FBXW7: variants seen among roughly 807,000 people sequenced by gnomAD.
The protein encoded by FBXW7 is F-box/WD repeat-containing protein 7.
Under a neutral mutation model 86.3 loss-of-function variants are expected in FBXW7, and 11 were observed. That is an observed-to-expected ratio of 0.13 (90% CI 0.08 to 0.21). The LOEUF (loss-of-function observed/expected upper bound fraction) is 0.21, where lower values mean the gene tolerates loss of function less well. Among genes scored for constraint, FBXW7 ranks in the 10% least tolerant of loss-of-function variants. The pLI, the probability that FBXW7 is intolerant of heterozygous loss-of-function variation, is 1.00. For missense variants in FBXW7, 488 were observed against 847.4 expected, an observed-to-expected ratio of 0.58 and a Z score of 5.27; for synonymous variants, 313 against 297.9, an observed-to-expected ratio of 1.05 and a Z score of -0.52.
At chr4:152,467,280 C>T (rs1044672936) in intron 2 of FBXW7, among the ~76,000 whole-genome samples, 3 of 152,080 alleles carry the variant, frequency 2.0e-5, no homozygotes, top group Admixed American at 6.5e-5. Flanking sequence ...TTATAAGGGG[C>T]TTTTCCCCCG....
At chr4:152,530,680 C>CA (rs1749951056) in intron 2 of FBXW7, 1 of 152,184 alleles carries the variant, frequency 6.6e-6, no homozygotes, top group Non-Finnish European at 1.5e-5. Context: ...ATCTAGAAAA[C>CA]AAAGACCACC....
intron 2 of FBXW7, among the ~76,000 whole-genome samples, chr4:152,430,218 G>T (rs964406467): frequency 2.0e-5 from 3 of 152,150 alleles, no homozygotes; most frequent in Non-Finnish European, 2.9e-5. Context: ...AGTCCTCATT[G>T]TAATAAGAAA....
At chr4:152,325,844 T>A (rs537064218) in intron 12 of FBXW7, 162 bp downstream of exon 12, 13 of 552,284 alleles carry the variant, frequency 2.4e-5, no homozygotes, top group African/African-American at 2.2e-4. Flanking sequence ...TTTTGAAATT[T>A]ACACTTTCTT....
At chr4:152,469,513 C>T (rs1479979713) in intron 2 of FBXW7, among the ~76,000 whole-genome samples, 1 of 152,052 alleles carries the variant, frequency 6.6e-6, no homozygotes, top group Non-Finnish European at 1.5e-5. Flanking sequence ...ACCCTGACCA[C>T]AGTATTTGGT....
chr4:152,494,660 G>A (rs554397939), intron 2 of FBXW7, among the ~76,000 whole-genome samples: 1 of 152,038 alleles, frequency 6.6e-6, no homozygotes, highest in Non-Finnish European at 1.5e-5. Context: ...ATATTGGAGA[G>A]TCTATGTAAG....
intron 4 of FBXW7, among the ~76,000 whole-genome samples, chr4:152,381,466 T>C (rs914784936): frequency 1.3e-5 from 2 of 152,086 alleles, no homozygotes; most frequent in African/African-American, 2.4e-5. Flanking sequence ...TCTAAAAATA[T>C]ATCACTCTAA....
intron 2 of FBXW7, among the ~76,000 whole-genome samples, chr4:152,483,264 T>C (rs777284292): frequency 2.0e-5 from 3 of 152,184 alleles, no homozygotes; most frequent in Non-Finnish European, 2.9e-5. Flanking sequence ...TTATTATGTT[T>C]GTTAAAACTT....
At chr4:152,508,654 CAA>C (rs1206694443) in intron 2 of FBXW7, among the ~76,000 whole-genome samples, 6 of 95,448 alleles carry the variant, frequency 6.3e-5, no homozygotes, top group Non-Finnish European at 9.0e-5. Flanking sequence ...CGTGCCACTG[CAA>C]AAAAAAAAAA....
intron 2 of FBXW7, among the ~76,000 whole-genome samples, chr4:152,482,826 CTAA>C (rs998756921): frequency 4.0e-5 from 6 of 151,642 alleles, no homozygotes; most frequent in East Asian, 1.9e-4. Flanking sequence ...ATTTTAGTTC[CTAA>C]TAATATTAAT....
intron 4 of FBXW7, among the ~76,000 whole-genome samples, chr4:152,376,516 G>T (rs1019588441): frequency 6.6e-6 from 1 of 152,010 alleles, no homozygotes. Flanking sequence ...TACACCCCTT[G>T]AACTAACTGA....
chr4:152,454,010 T>G (rs1365697537), intron 2 of FBXW7, among the ~76,000 whole-genome samples: 2 of 152,154 alleles, frequency 1.3e-5, no homozygotes, highest in African/African-American at 4.8e-5. Flanking sequence ...TCCATATACA[T>G]CATTATGTAT....
chr4:152,501,510 A>C (rs1560974270), intron 2 of FBXW7, among the ~76,000 whole-genome samples: 2 of 152,218 alleles, frequency 1.3e-5, no homozygotes, highest in African/African-American at 4.8e-5. Context: ...TTGGTGCTTT[A>C]ATAACTAGTC....
At chr4:152,401,502 G>A (rs536512710) in intron 4 of FBXW7, among the ~76,000 whole-genome samples, 106 of 152,264 alleles carry the variant, frequency 7.0e-4, no homozygotes, top group African/African-American at 2.3e-3. Context: ...CTATGGAGAC[G>A]GTGAAAGGAT....
At chr4:152,382,093 A>T in intron 4 of FBXW7, 1 of 804,686 alleles carries the variant, frequency 1.2e-6, no homozygotes, top group Non-Finnish European at 1.9e-6. Flanking sequence ...TTTTAATTTT[A>T]AATAAAAACT....
intron 4 of FBXW7, among the ~76,000 whole-genome samples, chr4:152,354,030 T>C (rs1732120859): frequency 6.6e-6 from 1 of 152,298 alleles, no homozygotes; most frequent in East Asian, 1.9e-4. Context: ...TGGCTTTCTT[T>C]AGTAAAATGG....
Position 152,411,356 on chromosome 4 carries a change from C to T in FBXW7, c.448G>A (p.Val150Met), listed in dbSNP as rs2126876822. 6.2e-7 allele frequency: 1 copy of T among 1,613,292 alleles called. No homozygotes were observed. Among genetic ancestry groups the T allele is most frequent in the Non-Finnish European group, 8.5e-7 (1 of 1,179,670 alleles). Residue 150 changes from valine (V) to methionine (M), a missense_variant, in exon 4 of 14, where the codon GTG becomes ATG. Transcript: ENST00000281708. The stretch of plus-strand genomic sequence containing the variant: ...GAGAGTTGGTGAACGGGCAGGTCCA[C>T]AATACTACTGGAGTTCGTGACACTG... Reference protein sequence around the residue: ...TNSVTNSSSIVDLPVHQLSSP... With the variant: ...TNSVTNSSSIMDLPVHQLSSP...
At chr4:152,389,291 C>G (rs141621945) in intron 4 of FBXW7, among the ~76,000 whole-genome samples, 3 of 151,676 alleles carry the variant, frequency 2.0e-5, no homozygotes, top group African/African-American at 7.3e-5. Context: ...GGGCATCTAC[C>G]CAAAAGAAAA....
At position 152,343,144 on chromosome 4, in the gene FBXW7, C is replaced by G. The variant is rs77249287; in HGVS notation, c.726+3786G>C. On this transcript the variant is annotated intron_variant, in intron 6 of 13. Transcript: ENST00000281708. ...AATATCAAAACACATGTATTTTATA[C>G]TTATCATTTAAAAATATTTTTAGTA... is the stretch of plus-strand genomic sequence containing the variant. 4.1e-3 allele frequency among the ~76,000 whole-genome samples: 626 copies of G among 152,044 alleles called. 3 individuals are homozygous for G. The highest frequency in any genetic ancestry group is 0.014 in the African/African-American group (567 of 41,510).
intron 2 of FBXW7, among the ~76,000 whole-genome samples, chr4:152,499,733 T>G (rs1339332195): frequency 6.6e-6 from 1 of 152,040 alleles, no homozygotes; most frequent in Non-Finnish European, 1.5e-5. Context: ...AACTTTTGTG[T>G]TTTTTGTAGA....
Sources: allele counts gnomAD v4.1 joint callset (sites outside exome capture counted in the v4.1 genomes callset), GRCh38; gene constraint gnomAD v4.1.1; transcripts MANE v1.5; gene names NCBI Gene and HGNC (gene_info 2026-07-23, HGNC 2026-07-21).